The following ROR1 variants were observed in gnomAD, a reference collection of about 807,000 sequenced individuals.
The protein encoded by ROR1 is inactive tyrosine-protein kinase transmembrane receptor ROR1.
In ROR1, 19 loss-of-function variants were observed where a neutral mutation model predicts 78.8. The observed-to-expected ratio is 0.24, with a 90% confidence interval of 0.17 to 0.35. The LOEUF (loss-of-function observed/expected upper bound fraction) is 0.35, where lower values mean the gene tolerates loss of function less well. ROR1 is among the 10% of genes least tolerant of loss of function. The probability of loss-of-function intolerance (pLI) is 1.00; values close to 1 mark genes in which losing one functional copy is unlikely to be tolerated. For missense variants in ROR1, 917 were observed against 1,177.8 expected, an observed-to-expected ratio of 0.78 and a Z score of 3.24; for synonymous variants, 386 against 433.6, an observed-to-expected ratio of 0.89 and a Z score of 1.36.
At position 63,774,085 on chromosome 1, in the gene ROR1, G is replaced by A. The variant is rs1256623393; in HGVS notation, c.-333G>A. 1 of 169,336 alleles carries A rather than the reference G, an allele frequency of 5.9e-6. No homozygotes were observed. The highest frequency in any genetic ancestry group is 1.3e-5 in the Non-Finnish European group (1 of 79,704). The allele number at this position is 169,336 out of a possible 1,614,324, so 10.5% of individuals were successfully genotyped here. On this transcript the variant is annotated 5_prime_UTR_variant, in exon 1 of 9. Transcript: ENST00000371079. The surrounding 1 kb of genome is among the most constrained non-coding windows in gnomAD (Gnocchi z 5.7). ...ACCGCCGCCGCCGAGGGAGCCCCGGGACGGCAGCCCCTGGGCGCAGGGTGC... is the reference window on the plus strand; with the variant it reads ...ACCGCCGCCGCCGAGGGAGCCCCGGAACGGCAGCCCCTGGGCGCAGGGTGC...
At chr1:63,975,582 A>T (rs1646153326) in intron 1 of ROR1, among the ~76,000 whole-genome samples, 2 of 152,170 alleles carry the variant, frequency 1.3e-5, no homozygotes, top group Non-Finnish European at 2.9e-5. Context: ...CGGAAGTATA[A>T]AACAGAAAAA....
chr1:63,803,997 A>T (rs990452216), intron 1 of ROR1, among the ~76,000 whole-genome samples: 1 of 152,210 alleles, frequency 6.6e-6, no homozygotes, highest in African/African-American at 2.4e-5. Context: ...ATGAGACATT[A>T]AAAAAAGTAC....
chr1:64,049,288 C>T (rs1646809289), intron 2 of ROR1, among the ~76,000 whole-genome samples: 1 of 152,052 alleles, frequency 6.6e-6, no homozygotes, highest in Non-Finnish European at 1.5e-5. Context: ...AGTGAGCAAA[C>T]TGGAAGGATG....
At chr1:63,921,613 G>A (rs140192263) in intron 1 of ROR1, among the ~76,000 whole-genome samples, 1 of 133,270 alleles carries the variant, frequency 7.5e-6, no homozygotes, top group East Asian at 2.5e-4. Flanking sequence ...ACACCTTAAA[G>A]TTAAAGGAAG....
chr1:63,974,758 C>A (rs1184973123), intron 1 of ROR1, among the ~76,000 whole-genome samples: 2 of 152,180 alleles, frequency 1.3e-5, no homozygotes, highest in South Asian at 2.1e-4. Context: ...CTGCCTCAGC[C>A]TCCTGAGTAG....
At chr1:64,126,615 G>A (rs563751852) in intron 4 of ROR1, among the ~76,000 whole-genome samples, 1 of 152,302 alleles carries the variant, frequency 6.6e-6, no homozygotes, top group East Asian at 1.9e-4. Flanking sequence ...AAGAAGGTAA[G>A]TGACCTATCC....
chr1:64,087,855 A>C (rs1647166235), intron 4 of ROR1, among the ~76,000 whole-genome samples: 1 of 152,246 alleles, frequency 6.6e-6, no homozygotes, highest in South Asian at 2.1e-4. Flanking sequence ...TTTGGATAAC[A>C]AATGAGTTAC....
At chr1:64,168,085 G>A (rs763431692) in intron 8 of ROR1, among the ~76,000 whole-genome samples, 10 of 152,198 alleles carry the variant, frequency 6.6e-5, no homozygotes, top group South Asian at 2.1e-4. Context: ...GGGGGCAGTC[G>A]TAATATGAAT....
rs185137469 is a variant in ROR1, at chr1:63,982,770, A to G, written c.92-26535A>G. ...TTTGGTACTAAAGGGAGCGGTAATA[A>G]TAATAACAGAAAATAATAGCAGTAA... On this transcript the variant is annotated intron_variant, in intron 1 of 8. Coordinates refer to ENST00000371079, the MANE Select transcript of ROR1 (RefSeq NM_005012.4). 3.2e-3 allele frequency among the ~76,000 whole-genome samples: 488 copies of G among 152,304 alleles called. 1 individual carries two copies. Among genetic ancestry groups the G allele is most frequent in the Admixed American group, 5.5e-3 (84 of 15,288 alleles).
chr1:64,014,095 C>T (rs530524711), intron 2 of ROR1, among the ~76,000 whole-genome samples: 20 of 152,212 alleles, frequency 1.3e-4, no homozygotes, highest in Non-Finnish European at 2.2e-4. Flanking sequence ...GGTCCAAGGA[C>T]CATGTCTGTT....
At chr1:64,011,886 T>C (rs952626114) in intron 2 of ROR1, among the ~76,000 whole-genome samples, 14 of 152,220 alleles carry the variant, frequency 9.2e-5, no homozygotes, top group Admixed American at 5.2e-4. Flanking sequence ...CAAAGGCCCC[T>C]GTCCTCCATG....
intron 1 of ROR1, among the ~76,000 whole-genome samples, chr1:63,861,641 T>C (rs906461998): frequency 2.0e-5 from 3 of 152,260 alleles, no homozygotes; most frequent in Non-Finnish European, 2.9e-5. Flanking sequence ...GGTATGTCTT[T>C]CTGCATCTGT....
chr1:63,838,107 A>C (rs1645029213), intron 1 of ROR1, among the ~76,000 whole-genome samples: 2 of 152,180 alleles, frequency 1.3e-5, no homozygotes, highest in Admixed American at 6.5e-5. Context: ...AGTTATATGC[A>C]GTATACCTAA....
At chr1:64,122,774 C>T (rs867460582) in intron 4 of ROR1, among the ~76,000 whole-genome samples, 11 of 152,168 alleles carry the variant, frequency 7.2e-5, no homozygotes, top group South Asian at 2.1e-4. Flanking sequence ...ATCTCTAGCT[C>T]CTTCAATGAT....
intron 1 of ROR1, among the ~76,000 whole-genome samples, chr1:63,876,682 G>A (rs1427505326): frequency 2.7e-5 from 2 of 73,090 alleles, no homozygotes; most frequent in African/African-American, 2.0e-4. Flanking sequence ...GTGTGTGTGT[G>A]CGCGTGTGTG....
intron 1 of ROR1, among the ~76,000 whole-genome samples, chr1:63,930,192 TCTC>T (rs1557567671): frequency 2.0e-5 from 3 of 152,018 alleles, no homozygotes; most frequent in African/African-American, 7.2e-5. Flanking sequence ...TTTAATGGGT[TCTC>T]CTCTCTCTTA....
At chr1:63,952,407 T>C (rs774271832) in intron 1 of ROR1, among the ~76,000 whole-genome samples, 14 of 152,292 alleles carry the variant, frequency 9.2e-5, no homozygotes, top group Non-Finnish European at 1.9e-4. Context: ...GCCAGTGCTC[T>C]AGAAGTCTAG....
At chr1:63,795,990 C>T (rs1487861096) in intron 1 of ROR1, among the ~76,000 whole-genome samples, 4 of 152,182 alleles carry the variant, frequency 2.6e-5, no homozygotes, top group African/African-American at 9.7e-5. Context: ...CCCCATCAGA[C>T]TAATCTGTCG....
At chr1:63,913,837 T>TAAA (rs1286710627) in intron 1 of ROR1, among the ~76,000 whole-genome samples, 1 of 152,224 alleles carries the variant, frequency 6.6e-6, no homozygotes, top group African/African-American at 2.4e-5. Context: ...TGGAGGTTTT[T>TAAA]AATGGCTTTT....
Sources: gnomAD v4.1 joint callset for allele counts (sites outside exome capture counted in the v4.1 genomes callset) on GRCh38, gnomAD v4.1.1 for gene constraint, Gnocchi (gnomAD v3.1) non-coding constraint, MANE v1.5 for transcripts, NCBI Gene and HGNC (gene_info 2026-07-23, HGNC 2026-07-21) for gene names.